The following MED27 variants were observed in gnomAD, a reference collection of about 807,000 sequenced individuals.
MED27 encodes the protein mediator complex subunit 27.
In MED27, 30 loss-of-function variants were observed where a neutral mutation model predicts 38.2. The observed-to-expected ratio is 0.79, with a 90% CI of 0.59 to 1.07. The LOEUF (loss-of-function observed/expected upper bound fraction) is 1.07, where lower values mean the gene tolerates loss of function less well. Among genes scored for constraint, MED27 ranks in the 50% least tolerant of loss-of-function variants. The probability of loss-of-function intolerance (pLI) is 0.00; values close to 1 mark genes in which losing one functional copy is unlikely to be tolerated. For synonymous variants in MED27, 122 were observed against 153.5 expected (o/e 0.79, Z 1.52); for missense variants, 289 against 397.5 (o/e 0.73, Z 2.32).
intron 3 of MED27, among the ~76,000 whole-genome samples, chr9:131,948,564 A>T (rs545088341): frequency 2.0e-5 from 3 of 152,194 alleles, no homozygotes; most frequent in Non-Finnish European, 4.4e-5. Flanking sequence ...ACAAAACCGT[A>T]CAACTAAAAG....
chr9:132,010,002 C>T (rs1832447517), intron 3 of MED27, among the ~76,000 whole-genome samples: 1 of 152,094 alleles, frequency 6.6e-6, no homozygotes, highest in Non-Finnish European at 1.5e-5. Flanking sequence ...AAAATTTTCT[C>T]CCATTCTGTA....
intron 6 of MED27, 35 bp downstream of exon 6, chr9:131,884,023 T>C (rs1839093546): frequency 6.3e-7 from 1 of 1,592,096 alleles, no homozygotes; most frequent in East Asian, 2.2e-5. Context: ...GTTTTCCTAA[T>C]GCCGCTTGAG....
intron 4 of MED27, among the ~76,000 whole-genome samples, chr9:131,922,900 C>A (rs967124708): frequency 5.1e-4 from 78 of 152,272 alleles, no homozygotes; most frequent in African/African-American, 1.8e-3. Flanking sequence ...AGGCGTGAAC[C>A]ACCGTGCCCA....
chr9:131,861,165 A>G lies in MED27; in HGVS notation c.802-493T>C, dbSNP rs1256404318. On this transcript the variant is annotated intron_variant, in intron 7 of 7. Coordinates refer to ENST00000292035, the MANE Select transcript of MED27 (RefSeq NM_004269.4). This position sits in a 1 kb window ranked among gnomAD's most constrained non-coding sequence, Gnocchi z 4.4. ...AATCTGATTTCAGAGGTTGTCACTC[A>G]TTGTCACAGTGTGGCCTGACATACT... Among the ~76,000 whole-genome samples, 1 of 151,932 alleles carries G rather than the reference A, an allele frequency of 6.6e-6. No individual in the cohort carries two copies. Among genetic ancestry groups the G allele is most frequent in the Non-Finnish European group, 1.5e-5 (1 of 68,000 alleles).
intron 2 of MED27, among the ~76,000 whole-genome samples, chr9:132,065,423 AC>A (rs1331457732): frequency 1.3e-5 from 2 of 151,962 alleles, no homozygotes; most frequent in Non-Finnish European, 2.9e-5. Context: ...GTGACCAAGT[AC>A]GATTCCTGTT....
At chr9:131,906,450 A>AGGGGGTT (rs58138362) in intron 4 of MED27, among the ~76,000 whole-genome samples, 1 of 151,418 alleles carries the variant, frequency 6.6e-6, no homozygotes, top group East Asian at 1.9e-4. Flanking sequence ...AGGAACAGAA[A>AGGGGGTT]GGAGGTCGGA....
chr9:131,880,889 C>T (rs1299604756), intron 6 of MED27, among the ~76,000 whole-genome samples: 1 of 151,510 alleles, frequency 6.6e-6, no homozygotes, highest in Non-Finnish European at 1.5e-5. Context: ...TTAAAAAATA[C>T]TTAATACTAC....
At chr9:132,053,020 G>A (rs1290343363) in intron 2 of MED27, among the ~76,000 whole-genome samples, 6 of 151,954 alleles carry the variant, frequency 3.9e-5, no homozygotes, top group East Asian at 1.9e-4. Flanking sequence ...TTGGGAGGCC[G>A]AGGTGGGTGG....
chr9:132,019,218 T>C (rs752577258), intron 2 of MED27, among the ~76,000 whole-genome samples: 14 of 152,212 alleles, frequency 9.2e-5, no homozygotes, highest in Non-Finnish European at 1.6e-4. Flanking sequence ...TTGTTATTGA[T>C]GACTCTATTC....
At chr9:131,991,847 G>A (rs1831983467) in intron 3 of MED27, among the ~76,000 whole-genome samples, 4 of 152,100 alleles carry the variant, frequency 2.6e-5, no homozygotes, top group South Asian at 4.2e-4. Context: ...TCAGCCTCCC[G>A]AGTAGCTGGG....
At chr9:131,924,853 T>C (rs900457637) in intron 4 of MED27, among the ~76,000 whole-genome samples, 3 of 152,242 alleles carry the variant, frequency 2.0e-5, no homozygotes, top group African/African-American at 7.2e-5. Flanking sequence ...TCAATAAGTG[T>C]GTTAAATTAA....
intron 4 of MED27, among the ~76,000 whole-genome samples, chr9:131,916,933 G>A (rs1589210741): frequency 2.0e-5 from 3 of 152,098 alleles, no homozygotes; most frequent in Non-Finnish European, 2.9e-5. Context: ...GGGCTATCTC[G>A]GCCTGGAAAT....
At chr9:131,908,049 T>A (rs1176582996) in intron 4 of MED27, among the ~76,000 whole-genome samples, 1 of 116,674 alleles carries the variant, frequency 8.6e-6, no homozygotes, top group Non-Finnish European at 1.8e-5. Context: ...AAGTGAGGAG[T>A]CTCTCCGCCC....
At chr9:131,881,800 C>CTTT (rs61624043) in intron 6 of MED27, among the ~76,000 whole-genome samples, 5,510 of 60,636 alleles carry the variant, frequency 0.091, 764 homozygotes, top group East Asian at 0.34. Context: ...TCTTCTTCTT[C>CTTT]TTTTTTTTTT....
rs779642579 is a variant in MED27 at position 131,860,533 on chromosome 9, G to C, written c.*5C>G. On this transcript the variant is annotated 3_prime_UTR_variant, in exon 8 of 8. Transcript: ENST00000292035. This position sits in a 1 kb window ranked among gnomAD's most constrained non-coding sequence, Gnocchi z 5.8. ...TGGGGTCTGAGGCTGGGGCCAGCGT[G>C]GGGGCTACTGCCGGCAGGTGTCATG... 2 of 1,519,406 alleles carry C rather than the reference G, an allele frequency of 1.3e-6. No individual in the cohort carries two copies. Among genetic ancestry groups the C allele is most frequent in the Non-Finnish European group, 1.8e-6 (2 of 1,133,370 alleles). 94.1% of individuals were successfully genotyped at this position (1,519,406 alleles called of 1,614,324 possible).
chr9:132,003,317 G>A lies in MED27; in HGVS notation c.479+11020C>T, dbSNP rs923833566. ...GCCACATTCAACTTAGTGCTTAATG[G>A]CCAGGTTCTTTATTACAGTTTTCTA... On this transcript the variant is annotated intron_variant, in intron 3 of 7. Coordinates refer to ENST00000292035, the MANE Select transcript of MED27 (RefSeq NM_004269.4). The surrounding 1 kb of genome is among the most constrained non-coding windows in gnomAD (Gnocchi z 4.2). Among the ~76,000 whole-genome samples the A allele has an allele frequency of 6.6e-6, 1 of 152,174 alleles. No homozygotes were observed. Among genetic ancestry groups the A allele is most frequent in the African/African-American group, 2.4e-5 (1 of 41,418 alleles).
rs188289054 is a variant in MED27 at position 132,022,297 on chromosome 9, G to C, written c.349-7830C>G. The stretch of plus-strand genomic sequence containing the variant: ...TATCCATTTGCATATTATACTTCTG[G>C]ACTCAAGAAAAACAGATTGTGCATC... On this transcript the variant is annotated intron_variant, in intron 2 of 7. Transcript: ENST00000292035. Among the ~76,000 whole-genome samples, 366 of 152,244 alleles carry C rather than the reference G, an allele frequency of 2.4e-3. 3 individuals are homozygous for C. The highest frequency in any genetic ancestry group is 8.4e-3 in the African/African-American group (350 of 41,546).
intron 3 of MED27, among the ~76,000 whole-genome samples, chr9:131,995,047 G>A (rs549451319): frequency 1.3e-5 from 2 of 152,286 alleles, no homozygotes; most frequent in Admixed American, 1.3e-4. Flanking sequence ...TATGGGAAAA[G>A]CAGCAGCTCA....
intron 4 of MED27, among the ~76,000 whole-genome samples, chr9:131,918,215 G>A (rs1270133828): frequency 6.6e-6 from 1 of 152,184 alleles, no homozygotes; most frequent in African/African-American, 2.4e-5. Flanking sequence ...GCTTTCAAAG[G>A]TATCTTTAGA....
Sources: allele counts gnomAD v4.1 joint callset (sites outside exome capture counted in the v4.1 genomes callset), GRCh38; gene constraint gnomAD v4.1.1; non-coding constraint Gnocchi (gnomAD v3.1); transcripts MANE v1.5; gene names NCBI Gene and HGNC (gene_info 2026-07-23, HGNC 2026-07-21).